UCHL3: variants seen among roughly 807,000 people sequenced by gnomAD.
The protein encoded by UCHL3 is ubiquitin C-terminal hydrolase L3, also known as ubiquitin carboxyl-terminal hydrolase isozyme L3.
Under a neutral mutation model 35.8 loss-of-function variants are expected in UCHL3, and 22 were observed. The ratio of observed to expected loss-of-function variants is 0.61; its 90% CI spans 0.44 to 0.88. The LOEUF (loss-of-function observed/expected upper bound fraction) is 0.88. Ranked by LOEUF, UCHL3 falls within the 40% of genes least tolerant of loss-of-function variation. UCHL3 has a pLI of 0.00. For missense variants in UCHL3, 229 were observed against 276.9 expected (o/e 0.83, Z 1.23); for synonymous variants, 90 against 92.8 (o/e 0.97, Z 0.17).
At chr13:75,603,715 T>C (rs1019103309) in intron 7 of UCHL3, among the ~76,000 whole-genome samples, 1 of 152,050 alleles carries the variant, frequency 6.6e-6, no homozygotes, top group South Asian at 2.1e-4. Context: ...TATTGAGAAA[T>C]ATACATTATA....
intron 6 of UCHL3, among the ~76,000 whole-genome samples, chr13:75,585,717 TAA>T (rs2032304569): frequency 6.6e-6 from 1 of 151,898 alleles, no homozygotes; most frequent in Non-Finnish European, 1.5e-5. Context: ...CATATAAAAA[TAA>T]AATAAGACAA....
intron 6 of UCHL3, among the ~76,000 whole-genome samples, chr13:75,584,885 T>C (rs920026038): frequency 1.3e-5 from 2 of 151,878 alleles, no homozygotes; most frequent in Non-Finnish European, 2.9e-5. Context: ...AATGTGAAGA[T>C]AAATCACTGG....
chr13:75,592,430 A>ATGTATATG (rs1566227905), intron 6 of UCHL3, among the ~76,000 whole-genome samples: 2 of 50,802 alleles, frequency 3.9e-5, no homozygotes, highest in African/African-American at 1.7e-4. Context: ...ATATATATAT[A>ATGTATATG]TATATATATA....
rs1566211557 is a variant in UCHL3 at position 75,561,827 on chromosome 13, G to GTATACATACGTATACATATATACA, written c.183+948_183+949insTACATACGTATACATATATACATA. Among the ~76,000 whole-genome samples the GTATACATACGTATACATATATACA allele has an allele frequency of 1.8e-4, 17 of 93,324 alleles. 1 individual carries two copies. The highest frequency in any genetic ancestry group is 8.9e-4 in the South Asian group (3 of 3,352). 61.2% of individuals were successfully genotyped at this position (93,324 alleles called of 152,430 possible). A position where few individuals can be genotyped will look rare whatever the true frequency, so the allele number is the denominator to read the frequency against. Reference sequence around the variant, plus strand: ...CGTATACATACGTATACGTATATACGTACGTATATACGTATACGTATACAT... The same window carrying GTATACATACGTATACATATATACA: ...CGTATACATACGTATACGTATATACGTATACATACGTATACATATATACATACGTATATACGTATACGTATACAT... On this transcript the variant is annotated intron_variant, in intron 3 of 8. Transcript: ENST00000377595.
At chr13:75,560,240 G>A (rs1163672033) in intron 2 of UCHL3, among the ~76,000 whole-genome samples, 1 of 152,034 alleles carries the variant, frequency 6.6e-6, no homozygotes, top group Non-Finnish European at 1.5e-5. Flanking sequence ...TTGATTTTCT[G>A]ATAAAATATT....
intron 2 of UCHL3, among the ~76,000 whole-genome samples, chr13:75,557,284 C>T (rs1284886581): frequency 2.6e-5 from 4 of 151,950 alleles, no homozygotes; most frequent in East Asian, 3.9e-4. Context: ...GGTACTGCTC[C>T]TAGCTCCTCA....
At chr13:75,590,333 C>T (rs2032448617) in intron 6 of UCHL3, 3 of 735,544 alleles carry the variant, frequency 4.1e-6, no homozygotes, top group Non-Finnish European at 5.0e-6. Flanking sequence ...TCCATCTTTC[C>T]ACTCCATATC....
rs149197479 is a variant in UCHL3, at chr13:75,577,498, C to T, written c.474+7991C>T. Among the ~76,000 whole-genome samples, 20 of 152,214 alleles carry T rather than the reference C, an allele frequency of 1.3e-4. No individual in the cohort carries two copies. In the East Asian group the frequency reaches 3.9e-3, roughly 29 times the overall value. On this transcript the variant is annotated intron_variant, in intron 6 of 8. Transcript: ENST00000377595. ...GAGCATCTGTGGATTTTGGTGTCTTCAGGGGGGTCCTGAAACCAATAGTCC... is the reference window on the plus strand; with the variant it reads ...GAGCATCTGTGGATTTTGGTGTCTTTAGGGGGGTCCTGAAACCAATAGTCC...
Position 75,570,822 on chromosome 13 carries a change from G to A in UCHL3, c.474+1315G>A, listed in dbSNP as rs141987088. ...AGCTACTAGGGAGGCTGAGGTGGGA[G>A]GATTACTTGAGCTCAGGACTTCGAG... On this transcript the variant is annotated intron_variant, in intron 6 of 8. Coordinates refer to ENST00000377595, the MANE Select transcript of UCHL3 (RefSeq NM_006002.5). 9.5e-3 allele frequency among the ~76,000 whole-genome samples: 1,452 copies of A among 152,222 alleles called. 12 individuals carry two copies. The highest frequency in any genetic ancestry group is 0.016 in the Non-Finnish European group (1,056 of 68,022).
At chr13:75,601,565 A>G (rs1323406460) in intron 7 of UCHL3, among the ~76,000 whole-genome samples, 1 of 152,202 alleles carries the variant, frequency 6.6e-6, no homozygotes, top group Non-Finnish European at 1.5e-5. Context: ...GTGTTTTTTA[A>G]TTAAGGTATG....
At chr13:75,578,172 T>A (rs965672422) in intron 6 of UCHL3, among the ~76,000 whole-genome samples, 4 of 152,132 alleles carry the variant, frequency 2.6e-5, no homozygotes, top group African/African-American at 9.7e-5. Flanking sequence ...CATGAACATT[T>A]TTTTTGTTTC....
At chr13:75,579,621 G>T (rs2032123893) in intron 6 of UCHL3, among the ~76,000 whole-genome samples, 1 of 151,330 alleles carries the variant, frequency 6.6e-6, no homozygotes, top group Non-Finnish European at 1.5e-5. Context: ...CAGAATTTTA[G>T]AAATGGAGAT....
At chr13:75,564,622 G>C (rs2138484462) in intron 3 of UCHL3, among the ~76,000 whole-genome samples, 1 of 152,212 alleles carries the variant, frequency 6.6e-6, no homozygotes, top group Non-Finnish European at 1.5e-5. Context: ...CAGTGCACTT[G>C]GGTTCCCTTT....
intron 6 of UCHL3, among the ~76,000 whole-genome samples, chr13:75,584,763 A>G (rs1233349956): frequency 1.3e-5 from 2 of 152,176 alleles, no homozygotes; most frequent in South Asian, 2.1e-4. Flanking sequence ...AACTATTAAC[A>G]TAAGAAAGAA....
At chr13:75,581,633 C>T (rs1475261704) in intron 6 of UCHL3, among the ~76,000 whole-genome samples, 1 of 150,424 alleles carries the variant, frequency 6.6e-6, no homozygotes, top group Non-Finnish European at 1.5e-5. Flanking sequence ...ATTGGGATTA[C>T]AGGTGTGAGC....
intron 2 of UCHL3, among the ~76,000 whole-genome samples, chr13:75,557,460 G>A (rs148048350): frequency 7.9e-5 from 12 of 152,268 alleles, no homozygotes; most frequent in Middle Eastern, 3.4e-3. Context: ...CAAAATTTTA[G>A]AGGCATTGTG....
intron 2 of UCHL3, among the ~76,000 whole-genome samples, chr13:75,559,770 G>A (rs1465768196): frequency 6.6e-6 from 1 of 152,188 alleles, no homozygotes; most frequent in African/African-American, 2.4e-5. Flanking sequence ...CTTGAGGTAA[G>A]ATATAGTGAT....
intron 7 of UCHL3, among the ~76,000 whole-genome samples, chr13:75,597,135 T>G (rs913769966): frequency 1.3e-5 from 2 of 152,194 alleles, no homozygotes; most frequent in Non-Finnish European, 1.5e-5. Context: ...CTGATGCAGA[T>G]CTAATAAATT....
At chr13:75,559,690 A>G (rs1364047184) in intron 2 of UCHL3, among the ~76,000 whole-genome samples, 1 of 152,208 alleles carries the variant, frequency 6.6e-6, no homozygotes, top group African/African-American at 2.4e-5. Flanking sequence ...AGAAATGCCT[A>G]TGGCACCTTT....
Sources: allele counts gnomAD v4.1 joint callset (sites outside exome capture counted in the v4.1 genomes callset), GRCh38; gene constraint gnomAD v4.1.1; transcripts MANE v1.5; gene names NCBI Gene and HGNC (gene_info 2026-07-23, HGNC 2026-07-21).